Variants in LRBA observed in about 807,000 individuals in gnomAD.
LRBA encodes LPS responsive beige-like anchor protein, also known as lipopolysaccharide-responsive and beige-like anchor protein.
In LRBA, 176 loss-of-function variants were observed where a neutral mutation model predicts 330.0. The observed-to-expected ratio is 0.53, with a 90% confidence interval of 0.47 to 0.60. The LOEUF is 0.60. LRBA is among the 20% of genes least tolerant of loss of function. The pLI is 0.00. For synonymous variants in LRBA, 1,230 were observed against 1,193.0 expected, an observed-to-expected ratio of 1.03 and a Z score of -0.64; for missense variants, 3,259 against 3,444.8, an observed-to-expected ratio of 0.95 and a Z score of 1.35.
At chr4:150,835,490 A>G (rs1264248880) in intron 28 of LRBA, among the ~76,000 whole-genome samples, 3 of 152,042 alleles carry the variant, frequency 2.0e-5, no homozygotes, top group Non-Finnish European at 4.4e-5. Context: ...CTGAGCAGTG[A>G]TTTGTAGTTC....
rs1314562611 is a variant in LRBA at position 150,992,315 on chromosome 4, C to A, written c.216+22112G>T. 5.3e-3 allele frequency among the ~76,000 whole-genome samples: 706 copies of A among 132,842 alleles called. 1 individual carries two copies. Among genetic ancestry groups the A allele is most frequent in the Middle Eastern group, 7.6e-3 (2 of 262 alleles). 87.1% of individuals were successfully genotyped at this position (132,842 alleles called of 152,430 possible). On this transcript the variant is annotated intron_variant, in intron 2 of 56. Coordinates refer to ENST00000651943, the MANE Select transcript of LRBA (RefSeq NM_001364905.1). ...TGGGCAACAGAGCGAGACTCCGTCT[C>A]AAAAAAAAAAAAAAGGTAACGAGCA...
intron 2 of LRBA, among the ~76,000 whole-genome samples, chr4:150,940,036 A>G (rs1417868040): frequency 1.3e-5 from 2 of 152,188 alleles, no homozygotes; most frequent in East Asian, 3.8e-4. Context: ...AAAAAGAACA[A>G]TATATTGCTG....
rs1168667189 is a variant in LRBA at position 150,424,820 on chromosome 4, G to A, written c.7042-9230C>T. Among the ~76,000 whole-genome samples the A allele has an allele frequency of 3.9e-5, 6 of 152,214 alleles. No individual in the cohort carries two copies. The East Asian group carries it at 5.8e-4, about 15-fold the overall frequency. ...AATTGATGTTTTTTTTCTCACCAGC[G>A]ATATAACAAAACATTGAATGAAATG... On this transcript the variant is annotated intron_variant, in intron 46 of 56. Coordinates refer to ENST00000651943, the MANE Select transcript of LRBA (RefSeq NM_001364905.1).
At chr4:150,747,737 G>A (rs1293376721) in intron 35 of LRBA, among the ~76,000 whole-genome samples, 2 of 152,070 alleles carry the variant, frequency 1.3e-5, no homozygotes, top group African/African-American at 4.8e-5. Flanking sequence ...TGCCCACTTT[G>A]CTACATCCTC....
chr4:150,837,971 T>C (rs867493484), intron 28 of LRBA, among the ~76,000 whole-genome samples: 3 of 152,210 alleles, frequency 2.0e-5, no homozygotes, highest in Non-Finnish European at 2.9e-5. Flanking sequence ...TCAGGAGCTC[T>C]TGTAGGGCAG....
chr4:150,588,108 G>T lies in LRBA; in HGVS notation c.6270C>A (p.Ser2090=), dbSNP rs1423712511. Residue 2090 remains serine (S), a synonymous_variant, in exon 40 of 57, where the codon TCC becomes TCA. Coordinates refer to ENST00000651943, the MANE Select transcript of LRBA (RefSeq NM_001364905.1). ...VVVKGTLSVT[S]SELYFEVDEE... ...CATCCACCTCAAAATAGAGTTCGGA[G>T]GAGGTGACAGAAAGAGTGCCCTTTA... The T allele has an allele frequency of 6.2e-7, 1 of 1,612,830 alleles. No homozygotes were observed. Among genetic ancestry groups the T allele is most frequent in the Admixed American group, 1.7e-5 (1 of 59,848 alleles).
At chr4:150,720,998 A>C (rs566130301) in intron 36 of LRBA, 6 of 522,288 alleles carry the variant, frequency 1.1e-5, no homozygotes, top group African/African-American at 5.8e-5. Flanking sequence ...AGAAAGAGGG[A>C]GATGTTAGAG....
intron 35 of LRBA, among the ~76,000 whole-genome samples, chr4:150,737,270 G>T (rs1448167255): frequency 6.6e-6 from 1 of 151,974 alleles, no homozygotes; most frequent in Non-Finnish European, 1.5e-5. Context: ...GACCAGCCTG[G>T]GTAACATAGT....
At chr4:150,332,137 A>G (rs1053481579) in intron 48 of LRBA, among the ~76,000 whole-genome samples, 2 of 152,192 alleles carry the variant, frequency 1.3e-5, no homozygotes, top group African/African-American at 4.8e-5. Flanking sequence ...AATAAATGTT[A>G]CCAACTACTC....
At position 150,585,602 on chromosome 4, in the gene LRBA, G is replaced by A. The variant is rs574398588; in HGVS notation, c.6330+2446C>T. ...AACAGAAAGTATCCCAAAGGAATTGGTTTGTCTTGCTTATGTTGAAGGTAA... is the reference window on the plus strand; with the variant it reads ...AACAGAAAGTATCCCAAAGGAATTGATTTGTCTTGCTTATGTTGAAGGTAA... On this transcript the variant is annotated intron_variant, in intron 40 of 56. Coordinates refer to ENST00000651943, the MANE Select transcript of LRBA (RefSeq NM_001364905.1). Among the ~76,000 whole-genome samples, 7 of 152,296 alleles carry A rather than the reference G, an allele frequency of 4.6e-5. No individual in the cohort carries two copies. The East Asian group carries it at 1.3e-3, about 29-fold the overall frequency.
intron 28 of LRBA, among the ~76,000 whole-genome samples, chr4:150,837,950 T>C (rs1267763229): frequency 2.0e-5 from 3 of 152,222 alleles, no homozygotes; most frequent in Non-Finnish European, 4.4e-5. Flanking sequence ...TTTCCATGTT[T>C]AGTGCTTCCT....
chr4:150,542,019 C>T (rs1479333727), intron 40 of LRBA, among the ~76,000 whole-genome samples: 1 of 152,108 alleles, frequency 6.6e-6, no homozygotes, highest in Non-Finnish European at 1.5e-5. Context: ...GCATATATTG[C>T]ATACTAATAT....
intron 37 of LRBA, among the ~76,000 whole-genome samples, chr4:150,642,939 G>A (rs545656260): frequency 6.6e-6 from 1 of 151,918 alleles, no homozygotes; most frequent in East Asian, 1.9e-4. Flanking sequence ...CATCATTATT[G>A]AAATGTAGCT....
intron 2 of LRBA, among the ~76,000 whole-genome samples, chr4:150,976,245 C>T (rs2149595320): frequency 6.7e-6 from 1 of 149,026 alleles, no homozygotes; most frequent in African/African-American, 2.5e-5. Context: ...ATTTGACTGA[C>T]TAGACAAATT....
rs953210061 is a variant in LRBA, at chr4:150,557,012, G to C, written c.6330+31036C>G. Among the ~76,000 whole-genome samples the C allele has an allele frequency of 2.0e-5, 3 of 152,150 alleles. No individual in the cohort carries two copies. The South Asian group carries it at 6.2e-4, about 32-fold the overall frequency. ...GTGTTTCACCCGGTACCCACATCTT[G>C]GTTTCTAATAGCATTCTTCACTGAA... On this transcript the variant is annotated intron_variant, in intron 40 of 56. Transcript: ENST00000651943.
At position 150,890,535 on chromosome 4, in the gene LRBA, A is replaced by AG. The variant is rs1332494663; in HGVS notation, c.2165+2516dup. ...ACTATGAGGCTGAAGAGCATTGGAA[A>AG]GGGCGATATTAGAAAAAGAGGAGAT... On this transcript the variant is annotated intron_variant, in intron 17 of 56. Transcript: ENST00000651943. Among the ~76,000 whole-genome samples, 4 of 152,226 alleles carry AG rather than the reference A, an allele frequency of 2.6e-5. No homozygotes were observed. The South Asian group carries it at 8.3e-4, about 32-fold the overall frequency.
intron 44 of LRBA, among the ~76,000 whole-genome samples, chr4:150,444,161 T>A (rs914291849): frequency 7.9e-5 from 12 of 151,992 alleles, no homozygotes; most frequent in Non-Finnish European, 1.3e-4. Context: ...ACAGTTTTTT[T>A]AAAAAATGTG....
chr4:150,634,745 G>A (rs1777716530), intron 37 of LRBA, among the ~76,000 whole-genome samples: 1 of 152,056 alleles, frequency 6.6e-6, no homozygotes, highest in Non-Finnish European at 1.5e-5. Context: ...ACAGGCATTT[G>A]CAAACATACC....
At chr4:150,867,054 G>A (rs1752793532) in intron 22 of LRBA, among the ~76,000 whole-genome samples, 1 of 138,962 alleles carries the variant, frequency 7.2e-6, no homozygotes, top group Non-Finnish European at 1.5e-5. Context: ...TATGCTTAGA[G>A]TATTTCAAAA....
Sources: gnomAD v4.1 joint callset for allele counts (sites outside exome capture counted in the v4.1 genomes callset) on GRCh38, gnomAD v4.1.1 for gene constraint, MANE v1.5 for transcripts, NCBI Gene and HGNC (gene_info 2026-07-23, HGNC 2026-07-21) for gene names.